TP63: variants seen among roughly 807,000 people sequenced by gnomAD.
TP63 encodes the protein tumor protein 63.
Under a neutral mutation model 82.8 loss-of-function variants are expected in TP63, and 17 were observed. That is an observed-to-expected ratio of 0.21 (90% CI 0.14 to 0.31). TP63 has a LOEUF of 0.31. TP63 is among the 10% of genes least tolerant of loss of function. TP63 has a pLI of 1.00. For missense variants in TP63, 648 were observed against 895.3 expected, an observed-to-expected ratio of 0.72 and a Z score of 3.52; for synonymous variants, 330 against 321.7, an observed-to-expected ratio of 1.03 and a Z score of -0.28.
chr3:189,659,994 A>G (rs1426981692), intron 1 of TP63, among the ~76,000 whole-genome samples: 2 of 151,816 alleles, frequency 1.3e-5, no homozygotes. Flanking sequence ...TTCTCCCATT[A>G]TGTAGGTTTT....
chr3:189,610,323 AT>A, the TP63 span, among the ~76,000 whole-genome samples: 1 of 152,036 alleles, frequency 6.6e-6, no homozygotes, highest in African/African-American at 2.4e-5. Context: ...TGCTTTCCTT[AT>A]AAAACTGAAT....
intron 1 of TP63, among the ~76,000 whole-genome samples, chr3:189,632,297 A>G (rs1364916534): frequency 6.6e-6 from 1 of 152,084 alleles, no homozygotes; most frequent in Non-Finnish European, 1.5e-5. Context: ...ACAGCATGAG[A>G]TTTCGTACTT....
At chr3:189,831,315 G>C (rs1362482074) in intron 4 of TP63, among the ~76,000 whole-genome samples, 1 of 152,032 alleles carries the variant, frequency 6.6e-6, no homozygotes, top group African/African-American at 2.4e-5. Flanking sequence ...CCGTCTAATC[G>C]ATTGACTTTA....
intron 1 of TP63, among the ~76,000 whole-genome samples, chr3:189,658,045 G>A (rs988669685): frequency 5.3e-5 from 8 of 151,946 alleles, no homozygotes; most frequent in African/African-American, 1.9e-4. Flanking sequence ...ACATATACAA[G>A]ATAAAACTGA....
At position 189,848,860 on chromosome 3, in the gene TP63, A is replaced by G. The variant is rs553623920; in HGVS notation, c.580-15372A>G. 1.3e-4 allele frequency among the ~76,000 whole-genome samples: 20 copies of G among 152,120 alleles called. 1 individual carries two copies. Among genetic ancestry groups the G allele is most frequent in the Non-Finnish European group, 2.8e-4 (19 of 68,014 alleles). The stretch of plus-strand genomic sequence containing the variant: ...GGCATATAACTCCTAAAATCCTTGG[A>G]ATTTCCAAAATGCTGCCTTTTTTGT... On this transcript the variant is annotated intron_variant, in intron 4 of 13. Transcript: ENST00000264731.
chr3:189,636,872 G>A (rs1729815166), intron 1 of TP63, among the ~76,000 whole-genome samples: 1 of 152,004 alleles, frequency 6.6e-6, no homozygotes, highest in African/African-American at 2.4e-5. Flanking sequence ...AATATAGCAG[G>A]CTTACTGAGC....
rs78215826 is a variant in TP63, at chr3:189,638,105, T to G, written c.62+6528T>G. 3.9e-5 allele frequency among the ~76,000 whole-genome samples: 6 copies of G among 152,232 alleles called. No homozygotes were observed. The East Asian group carries it at 9.7e-4, about 25-fold the overall frequency. On this transcript the variant is annotated intron_variant, in intron 1 of 13. Transcript: ENST00000264731. ...GGAGACCCACATCAGTTTTCTGATCTGCAGAACGGCAAGATACTAACTTTG... is the reference window on the plus strand; with the variant it reads ...GGAGACCCACATCAGTTTTCTGATCGGCAGAACGGCAAGATACTAACTTTG...
At chr3:189,670,775 A>T (rs745723316) in intron 1 of TP63, among the ~76,000 whole-genome samples, 17 of 152,046 alleles carry the variant, frequency 1.1e-4, no homozygotes, top group Non-Finnish European at 2.4e-4. Context: ...TTGATTTTTG[A>T]CCCAAGGTGC....
At chr3:189,770,158 A>G (rs112799146) in intron 3 of TP63, among the ~76,000 whole-genome samples, 20 of 152,230 alleles carry the variant, frequency 1.3e-4, no homozygotes, top group Non-Finnish European at 2.6e-4. Flanking sequence ...TGAATCTTCT[A>G]AATGCTGCAT....
At chr3:189,634,577 A>T (rs932101618) in intron 1 of TP63, among the ~76,000 whole-genome samples, 4 of 152,070 alleles carry the variant, frequency 2.6e-5, no homozygotes, top group Admixed American at 6.6e-5. Context: ...AACTTTTCTG[A>T]AAACCAAAAA....
At chr3:189,821,294 T>G (rs1482338368) in intron 4 of TP63, among the ~76,000 whole-genome samples, 1 of 152,240 alleles carries the variant, frequency 6.6e-6, no homozygotes. Flanking sequence ...GAATGTATGT[T>G]TCCCTTGCAC....
At chr3:189,853,785 T>C (rs535241461) in intron 4 of TP63, among the ~76,000 whole-genome samples, 30 of 152,316 alleles carry the variant, frequency 2.0e-4, no homozygotes, top group African/African-American at 7.2e-4. Flanking sequence ...TTTCCAAAAC[T>C]AAAACAGAGC....
the TP63 span, among the ~76,000 whole-genome samples, chr3:189,615,022 A>T: frequency 6.6e-6 from 1 of 152,182 alleles, no homozygotes; most frequent in Non-Finnish European, 1.5e-5. Flanking sequence ...TTCCTAACAA[A>T]TCTCTGTGTT....
intron 3 of TP63, among the ~76,000 whole-genome samples, chr3:189,783,082 C>A (rs1049116543): frequency 6.6e-6 from 1 of 151,690 alleles, no homozygotes; most frequent in Admixed American, 6.6e-5. Flanking sequence ...ATGATTATAG[C>A]GGTAAAGAAA....
rs1452448086 is a variant in TP63 at position 189,866,678 on chromosome 3, G to A, written c.767-4G>A. 2 of 1,613,066 alleles carry A rather than the reference G, an allele frequency of 1.2e-6. No individual in the cohort carries two copies. The highest frequency in any genetic ancestry group is 1.7e-5 in the Admixed American group (1 of 59,990). Reference sequence around the variant, plus strand: ...TAACTCTTTTATTGTTTTCTGCTCTGCAGGACAGATTGCCCCTCCTAGTCA... The same window carrying A: ...TAACTCTTTTATTGTTTTCTGCTCTACAGGACAGATTGCCCCTCCTAGTCA... On this transcript the variant is annotated splice_region_variant and splice_polypyrimidine_tract_variant and intron_variant, in intron 5 of 13. Transcript: ENST00000264731.
At chr3:189,874,861 G>C (rs1212217262) in intron 10 of TP63, among the ~76,000 whole-genome samples, 1 of 151,916 alleles carries the variant, frequency 6.6e-6, no homozygotes, top group East Asian at 1.9e-4. Context: ...ATGGTATTAA[G>C]AAATACCCTC....
the TP63 span, among the ~76,000 whole-genome samples, chr3:189,614,969 C>G: frequency 6.6e-6 from 1 of 152,154 alleles, no homozygotes; most frequent in African/African-American, 2.4e-5. Flanking sequence ...GAGGTCCTGG[C>G]TCAATTTGGA....
At chr3:189,666,019 A>G (rs925815413) in intron 1 of TP63, among the ~76,000 whole-genome samples, 4 of 152,054 alleles carry the variant, frequency 2.6e-5, no homozygotes, top group African/African-American at 9.7e-5. Context: ...ATGGATATCT[A>G]ATATCTAACT....
chr3:189,749,334 C>G (rs551962336), intron 3 of TP63, among the ~76,000 whole-genome samples: 1 of 151,920 alleles, frequency 6.6e-6, no homozygotes, highest in African/African-American at 2.4e-5. Flanking sequence ...CTCAAGTCAA[C>G]AGTAAAAAAA....
Sources: gnomAD v4.1 joint callset for allele counts (sites outside exome capture counted in the v4.1 genomes callset) on GRCh38, gnomAD v4.1.1 for gene constraint, MANE v1.5 for transcripts, NCBI Gene and HGNC (gene_info 2026-07-23, HGNC 2026-07-21) for gene names.